Variants in ABR observed in about 807,000 individuals in gnomAD.
ABR encodes active breakpoint cluster region-related protein.
A neutral mutation model predicts 107.2 loss-of-function variants in ABR; 35 were observed. The observed-to-expected ratio is 0.33, with a 90% CI of 0.25 to 0.43. The LOEUF (loss-of-function observed/expected upper bound fraction) is 0.43, where lower values mean the gene tolerates loss of function less well. ABR is among the 20% of genes least tolerant of loss of function. ABR has a pLI of 1.00. For missense variants in ABR, 815 were observed against 1,115.2 expected, an observed-to-expected ratio of 0.73 and a Z score of 3.83; for synonymous variants, 498 against 462.0, an observed-to-expected ratio of 1.08 and a Z score of -1.00.
At chr17:1,031,848 G>GCCTCCCTCCCCGCGCTCC in intron 16 of ABR, 2 of 927,588 alleles carry the variant, frequency 2.2e-6, no homozygotes, top group Non-Finnish European at 2.7e-6. Context: ...CCCCGCGCTC[G>GCCTCCCTCCCCGCGCTCC]CCTCCCTCCC....
At chr17:1,081,201 G>A (rs1191183107) in intron 5 of ABR, among the ~76,000 whole-genome samples, 1 of 152,174 alleles carries the variant, frequency 6.6e-6, no homozygotes, top group Non-Finnish European at 1.5e-5. Flanking sequence ...CCTGGGTTGG[G>A]CTGGAAACCG....
At chr17:1,166,916 C>CT (rs2041535062) in intron 1 of ABR, among the ~76,000 whole-genome samples, 1 of 152,116 alleles carries the variant, frequency 6.6e-6, no homozygotes, top group African/African-American at 2.4e-5. Context: ...GCAGGAGAAT[C>CT]GCTTGAACTG....
At chr17:1,162,425 CAGG>C (rs1321421298) in intron 1 of ABR, among the ~76,000 whole-genome samples, 4 of 152,316 alleles carry the variant, frequency 2.6e-5, no homozygotes, top group South Asian at 2.1e-4. Context: ...TCCACCCCAG[CAGG>C]AGATGAGAGG....
intron 9 of ABR, among the ~76,000 whole-genome samples, chr17:1,067,444 G>A (rs573032739): frequency 1.1e-4 from 17 of 152,306 alleles, no homozygotes; most frequent in East Asian, 7.7e-4. Context: ...CGCCCCGCCC[G>A]CAGGGAGCAA....
chr17:1,148,445 G>A lies in ABR; in HGVS notation c.62-23078C>T, dbSNP rs1211418157. ...GCCAGGAGCTGGGGGCTGGAGAAAC[G>A]GGGAGCTGTTGTTCAATACAGGGGT... On this transcript the variant is annotated intron_variant, in intron 1 of 22. Transcript: ENST00000302538. The surrounding 1 kb of genome is among the most constrained non-coding windows in gnomAD (Gnocchi z 4.9). 2.0e-5 allele frequency among the ~76,000 whole-genome samples: 3 copies of A among 152,110 alleles called. No individual in the cohort carries two copies. Among genetic ancestry groups the A allele is most frequent in the Non-Finnish European group, 2.9e-5 (2 of 68,012 alleles).
intron 2 of ABR, chr17:1,101,380 A>G (rs1303195922): frequency 6.6e-6 from 1 of 152,376 alleles, no homozygotes; most frequent in African/African-American, 2.4e-5. Flanking sequence ...AAAGGAAAAG[A>G]CAATCACCCA....
rs542543615 is a variant in ABR at position 1,007,459 on chromosome 17, C to G, written c.2343-147G>C. On this transcript the variant is annotated intron_variant, in intron 21 of 22. Coordinates refer to ENST00000302538, the MANE Select transcript of ABR (RefSeq NM_021962.5). Reference sequence around the variant, plus strand: ...GTCTCCTAGGAGTGGGGACCTCCCCCGGGGGAAGGGGACTCATCCAGGAGA... The same window carrying G: ...GTCTCCTAGGAGTGGGGACCTCCCCGGGGGGAAGGGGACTCATCCAGGAGA... 3.5e-5 allele frequency: 33 copies of G among 950,218 alleles called. No individual in the cohort carries two copies. The South Asian group carries it at 5.6e-4, about 16-fold the overall frequency. 58.9% of individuals were successfully genotyped at this position (950,218 alleles called of 1,614,324 possible).
rs547338113 is a variant in ABR, at chr17:1,100,676, G to A, written c.306C>T (p.Ser102=). The A allele has an allele frequency of 3.6e-5, 58 of 1,614,118 alleles. No individual in the cohort carries two copies. The Middle Eastern group carries it at 6.6e-4, about 18-fold the overall frequency. ...RKLVLSGFLA[S]EEIYINQLEA... is the part of the protein sequence containing the mutation. ...CCAGCTGGTTAATGTAGATCTCTTC[G>A]CTGGCCAAGAACCCCGAGAGAACCA... The change falls in exon 3 of 23, where the codon AGC becomes AGT. Residue 102 remains serine (S), a synonymous_variant. Transcript: ENST00000302538.
At chr17:1,105,211 G>A (rs1171120889) in intron 2 of ABR, among the ~76,000 whole-genome samples, 1 of 151,902 alleles carries the variant, frequency 6.6e-6, no homozygotes, top group African/African-American at 2.4e-5. Flanking sequence ...GTTTCACCAT[G>A]TTGGCCAGGC....
At chr17:1,113,418 C>A (rs1468832039) in intron 2 of ABR, among the ~76,000 whole-genome samples, 2 of 151,506 alleles carry the variant, frequency 1.3e-5, no homozygotes, top group Non-Finnish European at 2.9e-5. Flanking sequence ...TCCCAAGTAG[C>A]TGGGATTACA....
chr17:1,208,624 C>A (rs1394290572), intron 1 of ABR, among the ~76,000 whole-genome samples: 2 of 152,212 alleles, frequency 1.3e-5, no homozygotes, highest in African/African-American at 2.4e-5. Flanking sequence ...CACAGTGGCT[C>A]ACGCCTCTTA....
intron 16 of ABR, among the ~76,000 whole-genome samples, chr17:1,033,285 G>C (rs2072944028): frequency 6.6e-6 from 1 of 152,208 alleles, no homozygotes; most frequent in Non-Finnish European, 1.5e-5. Flanking sequence ...TCCCTGCAGA[G>C]ACAGCCGTAG....
At chr17:1,040,409 C>A (rs1173974617) in intron 16 of ABR, among the ~76,000 whole-genome samples, 1 of 152,220 alleles carries the variant, frequency 6.6e-6, no homozygotes, top group African/African-American at 2.4e-5. Context: ...TCCGACCACA[C>A]CAGGCCAAGC....
In ABR at chr17:1,010,023, C is replaced by G. The variant is rs909042395; in HGVS notation, c.2237-239G>C. 1.5e-5 allele frequency: 9 copies of G among 588,676 alleles called. 1 individual carries two copies. Among genetic ancestry groups the G allele is most frequent in the Non-Finnish European group, 2.4e-5 (8 of 330,180 alleles). The allele number at this position is 588,676 out of a possible 1,614,324, so 36.5% of individuals were successfully genotyped here. On this transcript the variant is annotated intron_variant, in intron 20 of 22. Coordinates refer to ENST00000302538, the MANE Select transcript of ABR (RefSeq NM_021962.5). The surrounding 1 kb of genome is among the most constrained non-coding windows in gnomAD (Gnocchi z 4.1). ...CCGGCTGGTGGGAGCAGACCCCCTT[C>G]CTGCAGCTGACTGCATAGGCCTTGG...
intron 1 of ABR, among the ~76,000 whole-genome samples, chr17:1,151,238 G>A (rs1019744048): frequency 1.3e-5 from 2 of 152,144 alleles, no homozygotes; most frequent in Non-Finnish European, 2.9e-5. Flanking sequence ...CAGAAGCTCA[G>A]CAAGTCAGAT....
At chr17:1,046,159 C>T (rs1234352242) in intron 16 of ABR, among the ~76,000 whole-genome samples, 3 of 152,090 alleles carry the variant, frequency 2.0e-5, no homozygotes, top group Non-Finnish European at 4.4e-5. Context: ...GCACGCACGA[C>T]CACCCCTGGC....
intron 1 of ABR, among the ~76,000 whole-genome samples, chr17:1,195,825 G>T (rs894484764): frequency 7.1e-6 from 1 of 140,854 alleles, no homozygotes; most frequent in Non-Finnish European, 1.5e-5. Flanking sequence ...ATTATTGGCC[G>T]GCGCGGTGGC....
intron 16 of ABR, among the ~76,000 whole-genome samples, chr17:1,024,396 G>A (rs1052790777): frequency 2.0e-5 from 3 of 152,234 alleles, no homozygotes; most frequent in African/African-American, 4.8e-5. Flanking sequence ...GAGAGCCTGC[G>A]CTGAGGCTGA....
At chr17:1,224,020 A>G (rs2043169698) in intron 1 of ABR, among the ~76,000 whole-genome samples, 2 of 152,172 alleles carry the variant, frequency 1.3e-5, no homozygotes, top group Admixed American at 1.3e-4. Context: ...AAAGCATACG[A>G]AGTGCTCAGA....
Sources: allele counts gnomAD v4.1 joint callset (sites outside exome capture counted in the v4.1 genomes callset), GRCh38; gene constraint gnomAD v4.1.1; non-coding constraint Gnocchi (gnomAD v3.1); transcripts MANE v1.5; gene names NCBI Gene and HGNC (gene_info 2026-07-23, HGNC 2026-07-21).